SMARCC1: variants seen among roughly 807,000 people sequenced by gnomAD.
SMARCC1 encodes the protein SWI/SNF complex subunit SMARCC1.
SMARCC1 carries 43 observed loss-of-function variants against 147.4 expected under a neutral mutation model. The ratio of observed to expected loss-of-function variants is 0.29; its 90% CI spans 0.23 to 0.38. SMARCC1 has a LOEUF of 0.38. Among genes scored for constraint, SMARCC1 ranks in the 10% least tolerant of loss-of-function variants. SMARCC1 has a pLI of 1.00. For missense variants in SMARCC1, 1,119 were observed against 1,381.1 expected, an observed-to-expected ratio of 0.81 and a Z score of 3.01; for synonymous variants, 495 against 484.4, an observed-to-expected ratio of 1.02 and a Z score of -0.29.
intron 18 of SMARCC1, among the ~76,000 whole-genome samples, chr3:47,673,127 G>GT (rs1340948865): frequency 6.6e-6 from 1 of 151,896 alleles, no homozygotes; most frequent in Non-Finnish European, 1.5e-5. Context: ...GTTCATGCTT[G>GT]TAATCCTAGC....
At chr3:47,777,717 G>T in intron 1 of SMARCC1, among the ~76,000 whole-genome samples, 1 of 151,566 alleles carries the variant, frequency 6.6e-6, no homozygotes. Context: ...TAGTAGAGCA[G>T]AAGTTTCACC....
intron 6 of SMARCC1, among the ~76,000 whole-genome samples, chr3:47,727,089 T>C (rs771635356): frequency 2.6e-5 from 4 of 152,058 alleles, no homozygotes; most frequent in Non-Finnish European, 4.4e-5. Flanking sequence ...GGTGCACTCC[T>C]GTAGTCCCAG....
intron 25 of SMARCC1, among the ~76,000 whole-genome samples, chr3:47,615,397 C>T (rs2032626019): frequency 6.6e-6 from 1 of 152,076 alleles, no homozygotes; most frequent in Non-Finnish European, 1.5e-5. Flanking sequence ...GCAGGCTGAC[C>T]CTCCAGTCTC....
intron 16 of SMARCC1, among the ~76,000 whole-genome samples, chr3:47,677,535 CTAAAT>C (rs1470609970): frequency 8.1e-4 from 123 of 151,266 alleles, no homozygotes; most frequent in African/African-American, 2.8e-3. Flanking sequence ...ATCTAGAAGG[CTAAAT>C]TAAATATTTT....
intron 26 of SMARCC1, among the ~76,000 whole-genome samples, chr3:47,608,572 G>A (rs1422638872): frequency 6.6e-6 from 1 of 152,056 alleles, no homozygotes; most frequent in African/African-American, 2.4e-5. Flanking sequence ...GTCTGGGTGT[G>A]GTAGAGCTCA....
intron 5 of SMARCC1, among the ~76,000 whole-genome samples, chr3:47,732,953 C>T (rs1391002985): frequency 1.3e-5 from 2 of 151,460 alleles, no homozygotes; most frequent in Non-Finnish European, 2.9e-5. Context: ...ACTAAAAATA[C>T]AAAAATTAGC....
chr3:47,726,340 A>G (rs1331588417), intron 6 of SMARCC1, among the ~76,000 whole-genome samples: 1 of 152,214 alleles, frequency 6.6e-6, no homozygotes, highest in Non-Finnish European at 1.5e-5. Flanking sequence ...GAAAACAAAC[A>G]GGAAAACAGT....
chr3:47,636,191 T>C lies in SMARCC1; in HGVS notation c.2377-55A>G, dbSNP rs560408242. 19 of 888,684 alleles carry C rather than the reference T, an allele frequency of 2.1e-5. No individual in the cohort carries two copies. In the South Asian group the frequency reaches 2.5e-4, roughly 12 times the overall value. 55.0% of individuals were successfully genotyped at this position (888,684 alleles called of 1,614,324 possible). On this transcript the variant is annotated intron_variant, in intron 22 of 27. Transcript: ENST00000254480. ...CAGTGAACAAAAAAACCCCAGACCT[T>C]TTTATGAGTAATTATCTTAGACTAG... is the stretch of plus-strand genomic sequence containing the variant.
chr3:47,765,107 C>A (rs1383367600), intron 2 of SMARCC1, among the ~76,000 whole-genome samples: 1 of 152,088 alleles, frequency 6.6e-6, no homozygotes, highest in African/African-American at 2.4e-5. Context: ...CAAAATTAGC[C>A]GGGCGTGGTG....
At chr3:47,599,855 T>C (rs1576383251) in intron 26 of SMARCC1, among the ~76,000 whole-genome samples, 5 of 152,246 alleles carry the variant, frequency 3.3e-5, no homozygotes, top group Non-Finnish European at 7.3e-5. Context: ...GGAGCATCAC[T>C]GGCTGATTGA....
chr3:47,671,112 G>GTTGCAGT (rs2033490670), intron 18 of SMARCC1, among the ~76,000 whole-genome samples: 2 of 131,130 alleles, frequency 1.5e-5, no homozygotes. Flanking sequence ...GGAGGCAGAG[G>GTTGCAGT]TTGCAGTGAG....
At chr3:47,718,138 CAAAAAAAAAAA>C (rs71070217) in intron 7 of SMARCC1, among the ~76,000 whole-genome samples, 3 of 53,678 alleles carry the variant, frequency 5.6e-5, no homozygotes, top group Non-Finnish European at 6.7e-5. Flanking sequence ...GACCTTGTCT[CAAAAAAAAAAA>C]AAAAAAAAAA....
chr3:47,711,468 C>T (rs1417759771), intron 8 of SMARCC1, among the ~76,000 whole-genome samples: 4 of 152,114 alleles, frequency 2.6e-5, no homozygotes, highest in Admixed American at 6.6e-5. Context: ...TCAATGGGGG[C>T]ACAACTGGAA....
intron 26 of SMARCC1, among the ~76,000 whole-genome samples, chr3:47,602,779 C>T (rs903553979): frequency 1.3e-5 from 2 of 152,208 alleles, no homozygotes; most frequent in Non-Finnish European, 2.9e-5. Flanking sequence ...AGAGTACACA[C>T]GAAGGCTTCC....
chr3:47,743,825 A>C (rs1422909542), intron 3 of SMARCC1, among the ~76,000 whole-genome samples: 1 of 152,096 alleles, frequency 6.6e-6, no homozygotes, highest in Non-Finnish European at 1.5e-5. Flanking sequence ...AAAAAAAAAA[A>C]AAAAATTTCA....
chr3:47,752,243 C>A (rs1382312712), intron 2 of SMARCC1, among the ~76,000 whole-genome samples: 2 of 152,068 alleles, frequency 1.3e-5, no homozygotes, highest in Non-Finnish European at 2.9e-5. Context: ...AGCTCAGTAG[C>A]ACAATCACCC....
chr3:47,721,001 T>C (rs2034226856), intron 6 of SMARCC1, among the ~76,000 whole-genome samples: 1 of 152,098 alleles, frequency 6.6e-6, no homozygotes, highest in Non-Finnish European at 1.5e-5. Flanking sequence ...TGCGGTAAAA[T>C]ACTCCCATCC....
At chr3:47,697,010 T>C (rs2033860912) in intron 11 of SMARCC1, among the ~76,000 whole-genome samples, 2 of 152,142 alleles carry the variant, frequency 1.3e-5, no homozygotes, top group Non-Finnish European at 2.9e-5. Context: ...GGCCACCATG[T>C]CCAGCTCTGC....
At chr3:47,771,285 C>A (rs986418671) in intron 2 of SMARCC1, among the ~76,000 whole-genome samples, 2 of 152,028 alleles carry the variant, frequency 1.3e-5, no homozygotes, top group African/African-American at 4.8e-5. Context: ...ACAGTCCCCA[C>A]AAAAAAGGTC....
Sources: gnomAD v4.1 joint callset for allele counts (sites outside exome capture counted in the v4.1 genomes callset) on GRCh38, gnomAD v4.1.1 for gene constraint, MANE v1.5 for transcripts, NCBI Gene and HGNC (gene_info 2026-07-23, HGNC 2026-07-21) for gene names.